Variants in MEI1 observed in about 807,000 individuals in gnomAD.
MEI1 encodes the protein meiotic double-stranded break formation protein 1, also known as meiosis inhibitor protein 1.
MEI1 carries 103 observed loss-of-function variants against 146.2 expected under a neutral mutation model. The ratio of observed to expected loss-of-function variants is 0.70; its 90% CI spans 0.60 to 0.83. The LOEUF (loss-of-function observed/expected upper bound fraction) is 0.83, where lower values mean the gene tolerates loss of function less well. Among genes scored for constraint, MEI1 ranks in the 40% least tolerant of loss-of-function variants. MEI1 has a pLI of 0.00. For synonymous variants in MEI1, 652 were observed against 628.2 expected, an observed-to-expected ratio of 1.04 and a Z score of -0.57; for missense variants, 1,529 against 1,533.0, an observed-to-expected ratio of 1.00 and a Z score of 0.04.
intron 15 of MEI1, among the ~76,000 whole-genome samples, chr22:41,752,069 A>AG (rs1167067914): frequency 1.3e-5 from 2 of 150,832 alleles, no homozygotes; most frequent in African/African-American, 4.9e-5. Context: ...GCTCCGTCTC[A>AG]GGAAAAAAAA....
intron 22 of MEI1, among the ~76,000 whole-genome samples, chr22:41,779,771 A>C (rs1324318570): frequency 6.6e-6 from 1 of 152,172 alleles, no homozygotes; most frequent in African/African-American, 2.4e-5. Flanking sequence ...CAATTGACTC[A>C]GATCTGATGA....
At chr22:41,745,311 T>A (rs926751207) in intron 13 of MEI1, among the ~76,000 whole-genome samples, 1 of 152,156 alleles carries the variant, frequency 6.6e-6, no homozygotes, top group Non-Finnish European at 1.5e-5. Context: ...GGTTGTGTCT[T>A]ATTCACCTTC....
intron 11 of MEI1, among the ~76,000 whole-genome samples, chr22:41,740,381 G>A (rs186677013): frequency 2.5e-4 from 38 of 152,158 alleles, no homozygotes; most frequent in Non-Finnish European, 4.6e-4. Context: ...CCTCTGAGGT[G>A]GGGTGGTTCA....
intron 1 of MEI1, among the ~76,000 whole-genome samples, chr22:41,700,957 G>C (rs953744002): frequency 1.4e-5 from 1 of 73,842 alleles, no homozygotes; most frequent in Non-Finnish European, 2.7e-5. Flanking sequence ...TTTTTTTTTT[G>C]AGATGGAGTT....
intron 1 of MEI1, among the ~76,000 whole-genome samples, chr22:41,700,654 G>A (rs1601599192): frequency 6.6e-6 from 1 of 152,058 alleles, no homozygotes; most frequent in Non-Finnish European, 1.5e-5. Context: ...CTTGTCCATG[G>A]AGGCATCCAA....
intron 6 of MEI1, among the ~76,000 whole-genome samples, chr22:41,720,929 G>A (rs1197411579): frequency 2.7e-5 from 4 of 150,854 alleles, no homozygotes; most frequent in Admixed American, 6.6e-5. Flanking sequence ...TTGCCACCAC[G>A]CCCGGCTAAT....
At chr22:41,760,024 A>C (rs972938715) in intron 18 of MEI1, among the ~76,000 whole-genome samples, 1 of 151,932 alleles carries the variant, frequency 6.6e-6, no homozygotes, top group Admixed American at 6.6e-5. Flanking sequence ...AAATACAAAA[A>C]TCAGGCCGGG....
At chr22:41,762,679 A>T (rs950732914) in intron 18 of MEI1, among the ~76,000 whole-genome samples, 24 of 151,432 alleles carry the variant, frequency 1.6e-4, no homozygotes, top group Non-Finnish European at 1.5e-5. Flanking sequence ...GAGCCATCAC[A>T]CCTGGCCGTT....
chr22:41,745,072 G>A lies in MEI1; in HGVS notation c.1538+8G>A. ...ATTTAGAAGTGCCTGCAGGTGAGGG[G>A]CCCTCTGAGGTATGAAGTAATAGCA... On this transcript the variant is annotated splice_region_variant and intron_variant, in intron 13 of 30. Coordinates refer to ENST00000401548, the MANE Select transcript of MEI1 (RefSeq NM_152513.4). 1 of 1,523,824 alleles carries A rather than the reference G, an allele frequency of 6.6e-7. No individual in the cohort carries two copies. Among genetic ancestry groups the A allele is most frequent in the South Asian group, 1.3e-5 (1 of 79,380 alleles). The allele number at this position is 1,523,824 out of a possible 1,614,324, so 94.4% of individuals were successfully genotyped here. A position where few individuals can be genotyped will look rare whatever the true frequency, so the allele number is the denominator to read the frequency against.
intron 13 of MEI1, among the ~76,000 whole-genome samples, chr22:41,745,425 G>C (rs545577007): frequency 6.6e-6 from 1 of 152,164 alleles, no homozygotes; most frequent in Non-Finnish European, 1.5e-5. Flanking sequence ...TCTACTGTGT[G>C]CCATGCCTGA....
In MEI1 at chr22:41,794,683, C is replaced by T. The variant is rs979193004; in HGVS notation, c.3534+206C>T. Among the ~76,000 whole-genome samples the T allele has an allele frequency of 4.9e-4, 75 of 152,172 alleles. 1 individual carries two copies. Among genetic ancestry groups the T allele is most frequent in the African/African-American group, 1.7e-3 (72 of 41,432 alleles). On this transcript the variant is annotated intron_variant, in intron 28 of 30. Transcript: ENST00000401548. ...CTCCAGGGGACTCCGACACCCTTTC[C>T]CCTATTTCTCTCATGACATGTTGAC...
rs2147887980 is a variant in MEI1, at chr22:41,755,141, A to G, written c.1951+1095A>G. ...AGGTACTGCTGTGGATAGAGCGATT[A>G]TAACAGTATGTTATTTGCCCTGAGG... On this transcript the variant is annotated intron_variant, in intron 17 of 30. Coordinates refer to ENST00000401548, the MANE Select transcript of MEI1 (RefSeq NM_152513.4). 2.6e-5 allele frequency among the ~76,000 whole-genome samples: 4 copies of G among 152,330 alleles called. No homozygotes were observed. The Middle Eastern group carries it at 0.01, about 389-fold the overall frequency.
chr22:41,777,852 G>GCTTC (rs200622926), intron 21 of MEI1, among the ~76,000 whole-genome samples: 8 of 149,030 alleles, frequency 5.4e-5, no homozygotes, highest in African/African-American at 1.5e-4. Context: ...TTCCTTCCCT[G>GCTTC]CTTCCTTCCT....
intron 7 of MEI1, among the ~76,000 whole-genome samples, chr22:41,726,962 A>C (rs1361649659): frequency 6.6e-6 from 1 of 151,766 alleles, no homozygotes; most frequent in Non-Finnish European, 1.5e-5. Context: ...TTTAGTAGAG[A>C]TGGAGTTTCA....
At chr22:41,793,108 T>C (rs2076243227) in intron 26 of MEI1, among the ~76,000 whole-genome samples, 1 of 140,612 alleles carries the variant, frequency 7.1e-6, no homozygotes, top group Non-Finnish European at 1.5e-5. Context: ...TGCAGTGGCA[T>C]GATCGTGGCT....
At position 41,758,380 on chromosome 22, in the gene MEI1, C is replaced by T; in HGVS notation, c.1967C>T (p.Ser656Phe). 1 of 1,613,492 alleles carries T rather than the reference C, an allele frequency of 6.2e-7. No homozygotes were observed. The highest frequency in any genetic ancestry group is 8.5e-7 in the Non-Finnish European group (1 of 1,179,646). The change falls in exon 18 of 31, where the codon TCT (serine) becomes TTT (phenylalanine). Residue 656 changes from serine (S) to phenylalanine (F), a missense_variant. Coordinates refer to ENST00000401548, the MANE Select transcript of MEI1 (RefSeq NM_152513.4). The part of the protein sequence containing the change: ...PPSKEELSAV[S>F]ELLQHGLPQI... ...CCCTCCCTAGAACTCTCTGCAGTGT[C>T]TGAGCTCCTGCAGCATGGGCTGCCC...
At chr22:41,715,378 A>T (rs1313944418) in intron 4 of MEI1, among the ~76,000 whole-genome samples, 2 of 152,080 alleles carry the variant, frequency 1.3e-5, no homozygotes, top group African/African-American at 4.8e-5. Flanking sequence ...TAGGAGCTAT[A>T]ATAACTATGA....
chr22:41,789,852 G>T (rs2076114281), intron 26 of MEI1, among the ~76,000 whole-genome samples: 1 of 152,164 alleles, frequency 6.6e-6, no homozygotes, highest in East Asian at 1.9e-4. Flanking sequence ...TTATGGGAGG[G>T]TATTGCTGAG....
chr22:41,752,677 A>C lies in MEI1; in HGVS notation c.1853+26A>C, dbSNP rs892826875. The stretch of plus-strand genomic sequence containing the variant: ...GTATGTGTGGTCCCAGGCAAGATTG[A>C]GTGGCCAAGGGGCCAATGTCCCTCT... On this transcript the variant is annotated intron_variant, in intron 16 of 30. Transcript: ENST00000401548. 7 of 1,576,206 alleles carry C rather than the reference A, an allele frequency of 4.4e-6. No individual in the cohort carries two copies. The East Asian group carries it at 6.9e-5, about 16-fold the overall frequency.
Sources: gnomAD v4.1 joint callset for allele counts (sites outside exome capture counted in the v4.1 genomes callset) on GRCh38, gnomAD v4.1.1 for gene constraint, MANE v1.5 for transcripts, NCBI Gene and HGNC (gene_info 2026-07-23, HGNC 2026-07-21) for gene names.